Variants in WWOX observed in about 807,000 individuals in gnomAD.
The protein encoded by WWOX is WW domain containing oxidoreductase.
WWOX carries 69 observed loss-of-function variants against 46.2 expected under a neutral mutation model. That is an observed-to-expected ratio of 1.49 (90% CI 1.23 to 1.82). The LOEUF (loss-of-function observed/expected upper bound fraction) is 1.82, where lower values mean the gene tolerates loss of function less well. WWOX is among the 40% of genes most tolerant of loss of function. The probability of loss-of-function intolerance (pLI) is 0.00; values close to 1 mark genes in which losing one functional copy is unlikely to be tolerated. For missense variants in WWOX, 919 were observed against 542.6 expected (o/e 1.69, Z -6.89); for synonymous variants, 359 against 202.6 (o/e 1.77, Z -6.56).
chr16:78,785,573 ATACACAG>A (rs2050435719), intron 8 of WWOX, among the ~76,000 whole-genome samples: 1 of 152,238 alleles, frequency 6.6e-6, no homozygotes, highest in Non-Finnish European at 1.5e-5. Context: ...GAAGAATAGT[ATACACAG>A]TACTGTTTCT....
chr16:79,175,204 G>A (rs1054779627), intron 8 of WWOX, among the ~76,000 whole-genome samples: 3 of 152,186 alleles, frequency 2.0e-5, no homozygotes, highest in African/African-American at 7.2e-5. Flanking sequence ...CTAGTTGCTT[G>A]AATTGAACGA....
At chr16:79,117,359 G>T (rs779474199) in intron 8 of WWOX, among the ~76,000 whole-genome samples, 20 of 152,104 alleles carry the variant, frequency 1.3e-4, no homozygotes, top group Non-Finnish European at 2.9e-5. Flanking sequence ...AGTAGGTCTC[G>T]ACAGTGGGCA....
chr16:79,117,405 G>A (rs1462429335), intron 8 of WWOX, among the ~76,000 whole-genome samples: 1 of 152,154 alleles, frequency 6.6e-6, no homozygotes. Flanking sequence ...AAATAGACGT[G>A]GTCTCATCCA....
chr16:78,531,331 T>A lies in WWOX; in HGVS notation c.1056+98579T>A, dbSNP rs1290552747. Among the ~76,000 whole-genome samples, 3 of 152,170 alleles carry A rather than the reference T, an allele frequency of 2.0e-5. No homozygotes were observed. The East Asian group carries it at 5.8e-4, about 29-fold the overall frequency. On this transcript the variant is annotated intron_variant, in intron 8 of 8. Coordinates refer to ENST00000566780, the MANE Select transcript of WWOX (RefSeq NM_016373.4). The stretch of plus-strand genomic sequence containing the variant: ...ATTTCCTTTTTGTTTTTCCTTAGGA[T>A]GAGAAAGAAGGCAGTGGAGCCCTTT...
intron 8 of WWOX, among the ~76,000 whole-genome samples, chr16:78,635,971 T>C (rs2046558380): frequency 6.6e-6 from 1 of 152,148 alleles, no homozygotes; most frequent in Admixed American, 6.6e-5. Flanking sequence ...CTTGGCCTAA[T>C]TGCACGGTTA....
chr16:79,197,087 A>G (rs1159741230), intron 8 of WWOX, among the ~76,000 whole-genome samples: 2 of 152,156 alleles, frequency 1.3e-5, no homozygotes, highest in Admixed American at 6.5e-5. Context: ...CAGGGGAGCT[A>G]CCTGAGTGGA....
At chr16:78,616,747 CAGAG>C (rs1223213137) in intron 8 of WWOX, among the ~76,000 whole-genome samples, 4 of 151,836 alleles carry the variant, frequency 2.6e-5, no homozygotes, top group Non-Finnish European at 5.9e-5. Context: ...GTCTGGGAGA[CAGAG>C]GGAGGAGACT....
intron 8 of WWOX, among the ~76,000 whole-genome samples, chr16:78,660,100 T>C (rs1489254129): frequency 1.3e-5 from 2 of 152,246 alleles, no homozygotes; most frequent in East Asian, 3.9e-4. Flanking sequence ...GTGTGCTCTT[T>C]TTAGCAAGCT....
At position 78,594,498 on chromosome 16, in the gene WWOX, C is replaced by T. The variant is rs9889147; in HGVS notation, c.1056+161746C>T. On this transcript the variant is annotated intron_variant, in intron 8 of 8. Coordinates refer to ENST00000566780, the MANE Select transcript of WWOX (RefSeq NM_016373.4). Reference sequence around the variant, plus strand: ...GGTCTTGCCAGCTGGCACACAGCTTCCTCTGACCACCCTGCTAGGTACAAA... The same window carrying T: ...GGTCTTGCCAGCTGGCACACAGCTTTCTCTGACCACCCTGCTAGGTACAAA... 4.6e-3 allele frequency among the ~76,000 whole-genome samples: 654 copies of T among 141,534 alleles called. 9 individuals carry two copies. Among genetic ancestry groups the T allele is most frequent in the African/African-American group, 0.016 (621 of 38,782 alleles). The allele number at this position is 141,534 out of a possible 152,430, so 92.9% of individuals were successfully genotyped here. A position where few individuals can be genotyped will look rare whatever the true frequency, so the allele number is the denominator to read the frequency against.
intron 8 of WWOX, among the ~76,000 whole-genome samples, chr16:79,201,052 A>T (rs570020436): frequency 6.6e-6 from 1 of 152,160 alleles, no homozygotes; most frequent in Non-Finnish European, 1.5e-5. Context: ...CAAGAAACAC[A>T]TGAAGGTTAT....
intron 8 of WWOX, among the ~76,000 whole-genome samples, chr16:79,123,311 A>T (rs1278561158): frequency 6.6e-6 from 1 of 152,150 alleles, no homozygotes; most frequent in African/African-American, 2.4e-5. Context: ...AGGATTACCA[A>T]CGTAGGCGTG....
intron 8 of WWOX, among the ~76,000 whole-genome samples, chr16:79,207,752 A>G (rs564855230): frequency 6.6e-6 from 1 of 152,162 alleles, no homozygotes; most frequent in East Asian, 1.9e-4. Context: ...ATATTAGAGT[A>G]CTAACCAATG....
intron 8 of WWOX, among the ~76,000 whole-genome samples, chr16:78,725,785 AT>A (rs2048816286): frequency 1.3e-5 from 2 of 151,958 alleles, no homozygotes. Flanking sequence ...GATCTACTCC[AT>A]GCCTTTGTCT....
chr16:78,241,507 C>A (rs1304942530), intron 5 of WWOX, among the ~76,000 whole-genome samples: 2 of 152,258 alleles, frequency 1.3e-5, no homozygotes, highest in South Asian at 2.1e-4. Context: ...CGGCTCACTG[C>A]AGACTCTTCC....
chr16:78,560,965 C>G (rs2044421015), intron 8 of WWOX, among the ~76,000 whole-genome samples: 1 of 152,158 alleles, frequency 6.6e-6, no homozygotes, highest in Non-Finnish European at 1.5e-5. Flanking sequence ...AGCCTAGACA[C>G]AATGTGACTG....
chr16:78,157,856 A>G (rs902892090), intron 4 of WWOX, among the ~76,000 whole-genome samples: 2 of 152,208 alleles, frequency 1.3e-5, no homozygotes, highest in East Asian at 1.9e-4. Context: ...TGGATTTGGT[A>G]GGTCGTACGA....
chr16:78,213,289 G>A (rs2036617751), intron 5 of WWOX, among the ~76,000 whole-genome samples: 1 of 150,796 alleles, frequency 6.6e-6, no homozygotes, highest in Admixed American at 6.6e-5. Context: ...AGGGATCCAG[G>A]CTGACCTCAG....
At chr16:78,986,113 A>G (rs1389871790) in intron 8 of WWOX, among the ~76,000 whole-genome samples, 2 of 152,330 alleles carry the variant, frequency 1.3e-5, no homozygotes, top group Admixed American at 6.5e-5. Flanking sequence ...TCCGGGAGAC[A>G]TTTATGGAGT....
intron 5 of WWOX, among the ~76,000 whole-genome samples, chr16:78,224,052 G>T (rs1202918305): frequency 6.6e-6 from 1 of 152,140 alleles, no homozygotes; most frequent in Non-Finnish European, 1.5e-5. Flanking sequence ...TGCCCAGGCA[G>T]GAATGCAGTG....
Sources: allele counts gnomAD v4.1 joint callset (sites outside exome capture counted in the v4.1 genomes callset), GRCh38; gene constraint gnomAD v4.1.1; transcripts MANE v1.5; gene names NCBI Gene and HGNC (gene_info 2026-07-23, HGNC 2026-07-21).